Variants in LHX9 observed in about 807,000 individuals in gnomAD.
LHX9 encodes LIM homeobox 9.
In LHX9, 9 loss-of-function variants were observed where a neutral mutation model predicts 36.5. The ratio of observed to expected loss-of-function variants is 0.25; its 90% CI spans 0.15 to 0.43. The LOEUF (loss-of-function observed/expected upper bound fraction) is 0.43, where lower values mean the gene tolerates loss of function less well. Among genes scored for constraint, LHX9 ranks in the 20% least tolerant of loss-of-function variants. The probability of loss-of-function intolerance (pLI) is 1.00; values close to 1 mark genes in which losing one functional copy is unlikely to be tolerated. For synonymous variants in LHX9, 211 were observed against 212.1 expected (o/e 0.99, Z 0.04); for missense variants, 464 against 526.4 (o/e 0.88, Z 1.16).
At chr1:197,922,260 C>T (rs1368031889) in intron 3 of LHX9, among the ~76,000 whole-genome samples, 1 of 152,162 alleles carries the variant, frequency 6.6e-6, no homozygotes, top group Non-Finnish European at 1.5e-5. Context: ...GATATTCAAC[C>T]AGCCGTCTCA....
In LHX9 at chr1:197,926,646, C is replaced by A. The variant is rs535428005; in HGVS notation, c.734-945C>A. On this transcript the variant is annotated intron_variant, in intron 3 of 4. Transcript: ENST00000367387. Reference sequence around the variant, plus strand: ...GTCTTTGTAAGGGAAGAGAAAATGCCGCCCTCTCTCTGCCAGGCCAGCCAG... The same window carrying A: ...GTCTTTGTAAGGGAAGAGAAAATGCAGCCCTCTCTCTGCCAGGCCAGCCAG... 3.6e-4 allele frequency among the ~76,000 whole-genome samples: 55 copies of A among 152,228 alleles called. No homozygotes were observed. The South Asian group carries it at 6.2e-3, about 17-fold the overall frequency.
At chr1:197,914,704 C>T (rs1216868292), upstream of LHX9, among the ~76,000 whole-genome samples, 1 of 152,140 alleles carries the variant, frequency 6.6e-6, no homozygotes, top group African/African-American at 2.4e-5. Flanking sequence ...TAACAAGGAC[C>T]TCCCAAACTC....
rs1166972813 is a variant in LHX9, at chr1:197,932,064, A to C, written c.*2805A>C. Reference sequence around the variant, plus strand: ...AGGTTATGATAATCATACATTAAAAAATTTATTAAGCCAAAAAAAAAGAGA... The same window carrying C: ...AGGTTATGATAATCATACATTAAAACATTTATTAAGCCAAAAAAAAAGAGA... On this transcript the variant is annotated 3_prime_UTR_variant, in exon 5 of 5. Coordinates refer to ENST00000367387, the MANE Select transcript of LHX9 (RefSeq NM_020204.3). 3 of 922,200 alleles carry C rather than the reference A, an allele frequency of 3.3e-6. No homozygotes were observed. The highest frequency in any genetic ancestry group is 3.6e-5 in the African/African-American group (2 of 55,858). The allele number at this position is 922,200 out of a possible 1,614,324, so 57.1% of individuals were successfully genotyped here. A position where few individuals can be genotyped will look rare whatever the true frequency, so the allele number is the denominator to read the frequency against.
chr1:197,912,553 G>T, upstream of LHX9: 1 of 1,614,206 alleles, frequency 6.2e-7, no homozygotes, highest in Non-Finnish European at 8.5e-7. Context: ...TACCACTCTA[G>T]AGGCAGGTGA....
Position 197,929,068 on chromosome 1 carries a change from G to T in LHX9, c.1003G>T (p.Asp335Tyr). 1 of 1,613,670 alleles carries T rather than the reference G, an allele frequency of 6.2e-7. No homozygotes were observed. The highest frequency in any genetic ancestry group is 8.5e-7 in the Non-Finnish European group (1 of 1,179,894). The change falls in exon 5 of 5, where the codon GAT becomes TAT. Residue 335 changes from aspartate (D) to tyrosine (Y), a missense_variant. Coordinates refer to ENST00000367387, the MANE Select transcript of LHX9 (RefSeq NM_020204.3). ...NLLRQENGGV[D>Y]KADGTSLPAP... Reference sequence around the variant, plus strand: ...TTTGCGGCAGGAGAATGGGGGTGTTGATAAAGCTGACGGCACGTCGCTTCC... The same window carrying T: ...TTTGCGGCAGGAGAATGGGGGTGTTTATAAAGCTGACGGCACGTCGCTTCC...
chr1:197,920,121 G>A lies in LHX9; in HGVS notation c.324G>A (p.Glu108=), dbSNP rs965233693. 1.1e-5 allele frequency: 18 copies of A among 1,614,118 alleles called. No individual in the cohort carries two copies. In the Admixed American group the frequency reaches 3.0e-4, roughly 27 times the overall value. Reference sequence around the variant, plus strand: ...AATGTAAGCTGGCCCTCGAGTCCGAGCTCACCTGCTTTGCCAAGGACGGTA... The same window carrying A: ...AATGTAAGCTGGCCCTCGAGTCCGAACTCACCTGCTTTGCCAAGGACGGTA... The part of the protein sequence containing the change: ...CCECKLALES[E]LTCFAKDGSI... The change falls in exon 2 of 5, where the codon GAG becomes GAA. Residue 108 remains glutamate (E), a synonymous_variant. Coordinates refer to ENST00000367387, the MANE Select transcript of LHX9 (RefSeq NM_020204.3).
intron 4 of LHX9, 64 bp from the exon 5 acceptor site, chr1:197,928,933 AGTGAG>A: frequency 7.0e-7 from 1 of 1,419,848 alleles, no homozygotes; most frequent in Non-Finnish European, 9.3e-7. Flanking sequence ...AAAAAGAAAA[AGTGAG>A]AGAGAAAGAA....
chr1:197,922,397 C>T (rs1660020907), intron 3 of LHX9, among the ~76,000 whole-genome samples: 1 of 152,208 alleles, frequency 6.6e-6, no homozygotes, highest in South Asian at 2.1e-4. Flanking sequence ...CTTCTCTCTT[C>T]ATTAAAAACA....
At position 197,931,523 on chromosome 1, in the gene LHX9, G is replaced by A. The variant is rs923714805; in HGVS notation, c.*2264G>A. 1.2e-5 allele frequency: 2 copies of A among 161,930 alleles called. No individual in the cohort carries two copies. Among genetic ancestry groups the A allele is most frequent in the African/African-American group, 4.8e-5 (2 of 41,718 alleles). 10.0% of individuals were successfully genotyped at this position (161,930 alleles called of 1,614,324 possible). A position where few individuals can be genotyped will look rare whatever the true frequency, so the allele number is the denominator to read the frequency against. Reference sequence around the variant, plus strand: ...ATTTAAGTTTTAACCGTACTAGTGTGTTCCAGCATCTATATGTAAAAGCTT... The same window carrying A: ...ATTTAAGTTTTAACCGTACTAGTGTATTCCAGCATCTATATGTAAAAGCTT... On this transcript the variant is annotated 3_prime_UTR_variant, in exon 5 of 5. Coordinates refer to ENST00000367387, the MANE Select transcript of LHX9 (RefSeq NM_020204.3).
Position 197,929,612 on chromosome 1 carries a change from A to G in LHX9, c.*353A>G. On this transcript the variant is annotated 3_prime_UTR_variant, in exon 5 of 5. Coordinates refer to ENST00000367387, the MANE Select transcript of LHX9 (RefSeq NM_020204.3). ...AGAAAAAAGAAAAAAGAGTGGTATT[A>G]TTATGGGCAAATAATCATATTCCCA... 2.2e-6 allele frequency: 2 copies of G among 921,098 alleles called. No individual in the cohort carries two copies. Among genetic ancestry groups the G allele is most frequent in the Non-Finnish European group, 2.6e-6 (2 of 771,220 alleles). The allele number at this position is 921,098 out of a possible 1,614,324, so 57.1% of individuals were successfully genotyped here.
rs769396077 is a variant in LHX9 at position 197,927,646 on chromosome 1, C to T, written c.789C>T (p.Pro263=). The part of the protein sequence containing the change: ...HLDRDQQPYP[P]SQKTKRMRTS... ...ACCGGGACCAGCAGCCTTATCCACC[C>T]TCGCAGAAGACCAAGCGCATGCGAA... The change falls in exon 4 of 5, where the codon CCC becomes CCT. Residue 263 remains proline (P), a synonymous_variant. Coordinates refer to ENST00000367387, the MANE Select transcript of LHX9 (RefSeq NM_020204.3). 6.2e-7 allele frequency: 1 copy of T among 1,614,170 alleles called. No homozygotes were observed. Among genetic ancestry groups the T allele is most frequent in the Admixed American group, 1.7e-5 (1 of 60,026 alleles).
At chr1:197,916,773 T>G, upstream of LHX9, 1 of 702,968 alleles carries the variant, frequency 1.4e-6, no homozygotes, top group East Asian at 2.7e-5. Flanking sequence ...AGATGAATTG[T>G]CAGACAGCTG....
chr1:197,914,594 C>T (rs968207984), upstream of LHX9, among the ~76,000 whole-genome samples: 1 of 152,146 alleles, frequency 6.6e-6, no homozygotes, highest in Non-Finnish European at 1.5e-5. Context: ...GGGTCACACA[C>T]CCAATTCGAG....
At position 197,929,088 on chromosome 1, in the gene LHX9, G is replaced by T. The variant is rs1013330485; in HGVS notation, c.1023G>T (p.Ser341=). ...NGGVDKADGT[S]LPAPPSADSG... is the part of the protein sequence containing the mutation. ...GTGTTGATAAAGCTGACGGCACGTC[G>T]CTTCCGGCCCCGCCCTCAGCAGACA... The change falls in exon 5 of 5, where the codon TCG becomes TCT. Residue 341 remains serine, a synonymous_variant. Coordinates refer to ENST00000367387, the MANE Select transcript of LHX9 (RefSeq NM_020204.3). 4 of 1,613,406 alleles carry T rather than the reference G, an allele frequency of 2.5e-6. No individual in the cohort carries two copies. In the African/African-American group the frequency reaches 5.3e-5, roughly 22 times the overall value.
At chr1:197,917,129 C>G, upstream of LHX9, 1 of 364,426 alleles carries the variant, frequency 2.7e-6, no homozygotes, top group Non-Finnish European at 3.8e-6. Context: ...CGCGCGCGCG[C>G]GTGTGTGTGT....
upstream of LHX9, among the ~76,000 whole-genome samples, chr1:197,914,496 CTTAT>C (rs1052760831): frequency 6.6e-6 from 1 of 151,942 alleles, no homozygotes; most frequent in Non-Finnish European, 1.5e-5. Context: ...ATTTAAAGTG[CTTAT>C]TTAAAGTCCT....
At chr1:197,925,770 C>G (rs914241345) in intron 3 of LHX9, among the ~76,000 whole-genome samples, 1 of 152,094 alleles carries the variant, frequency 6.6e-6, no homozygotes, top group African/African-American at 2.4e-5. Context: ...GTTTAGGAAG[C>G]CTATGTTTTA....
chr1:197,916,652 T>A (rs761602080), upstream of LHX9: 1 of 702,834 alleles, frequency 1.4e-6, no homozygotes. Context: ...TCAAAGAAAA[T>A]TGTTTTGCCA....
At chr1:197,918,810 G>GGGGGGA (rs56670022) in intron 1 of LHX9, 1 of 51,654 alleles carries the variant, frequency 1.9e-5, no homozygotes, top group African/African-American at 6.3e-5. Flanking sequence ...GGGGGGGGGG[G>GGGGGGA]ACTACAGAAG....
Sources: allele counts gnomAD v4.1 joint callset (sites outside exome capture counted in the v4.1 genomes callset), GRCh38; gene constraint gnomAD v4.1.1; transcripts MANE v1.5; gene names NCBI Gene and HGNC (gene_info 2026-07-23, HGNC 2026-07-21).